Variants in CARMIL1 observed in about 807,000 individuals in gnomAD.
CARMIL1 encodes the protein F-actin-uncapping protein LRRC16A.
CARMIL1 carries 90 observed loss-of-function variants against 177.1 expected under a neutral mutation model. The ratio of observed to expected loss-of-function variants is 0.51; its 90% CI spans 0.43 to 0.61. The LOEUF is 0.61. CARMIL1 is among the 20% of genes least tolerant of loss of function. The probability of loss-of-function intolerance (pLI) is 0.00; values close to 1 mark genes in which losing one functional copy is unlikely to be tolerated. For missense variants in CARMIL1, 1,380 were observed against 1,667.0 expected (o/e 0.83, Z 3.00); for synonymous variants, 577 against 606.2 (o/e 0.95, Z 0.71).
chr6:25,544,655 C>G (rs1462832647), intron 26 of CARMIL1, among the ~76,000 whole-genome samples: 1 of 149,616 alleles, frequency 6.7e-6, no homozygotes, highest in Non-Finnish European at 1.5e-5. Context: ...ACCCCAAACA[C>G]TAAAGGATAT....
Position 25,465,950 on chromosome 6 carries a change from T to A in CARMIL1, c.690+2T>A, listed in dbSNP as rs745989914. The A allele has an allele frequency of 6.2e-7, 1 of 1,601,214 alleles. No homozygotes were observed. The highest frequency in any genetic ancestry group is 8.6e-7 in the Non-Finnish European group (1 of 1,168,538). ...CTGTCCTCTAAGGATCTAAAACTGG[T>A]AAGTAATCAAACATGCAGCAAATGT... On this transcript the variant is annotated splice_donor_variant, in intron 9 of 36. Transcript: ENST00000329474. LOFTEE classifies it high-confidence loss of function.
intron 23 of CARMIL1, chr6:25,527,669 G>T (rs1807292655): frequency 2.2e-6 from 1 of 446,702 alleles, no homozygotes; most frequent in Non-Finnish European, 4.4e-6. Context: ...CCACTTTAAT[G>T]ATGTTTCATT....
intron 2 of CARMIL1, among the ~76,000 whole-genome samples, chr6:25,335,944 C>T (rs1786171069): frequency 6.6e-6 from 1 of 152,158 alleles, no homozygotes; most frequent in Non-Finnish European, 1.5e-5. Context: ...TCTGTCTGCT[C>T]TGTTACTGTG....
In CARMIL1 at chr6:25,420,280, A is replaced by AAC. The variant is rs1226261274; in HGVS notation, c.189+127_189+128dup. ...CATATTCCTTCATATACTGCAACAC[A>AAC]ACACACACACACCTCACTTACATAG... On this transcript the variant is annotated intron_variant, in intron 3 of 36. Coordinates refer to ENST00000329474, the MANE Select transcript of CARMIL1 (RefSeq NM_017640.6). 17 of 913,472 alleles carry AAC rather than the reference A, an allele frequency of 1.9e-5. 1 individual carries two copies. The highest frequency in any genetic ancestry group is 2.4e-5 in the East Asian group (1 of 41,052). 56.6% of individuals were successfully genotyped at this position (913,472 alleles called of 1,614,324 possible). A position where few individuals can be genotyped will look rare whatever the true frequency, so the allele number is the denominator to read the frequency against.
At chr6:25,317,684 C>G (rs1481260401) in intron 2 of CARMIL1, among the ~76,000 whole-genome samples, 1 of 151,020 alleles carries the variant, frequency 6.6e-6, no homozygotes, top group Admixed American at 6.6e-5. Flanking sequence ...CCTCATTCTC[C>G]TGACTAGGAC....
intron 13 of CARMIL1, among the ~76,000 whole-genome samples, chr6:25,489,426 ACT>A (rs996455828): frequency 1.9e-4 from 29 of 152,142 alleles, no homozygotes; most frequent in African/African-American, 6.0e-4. Flanking sequence ...GGCAAAAACT[ACT>A]CTCTCAATTA....
intron 2 of CARMIL1, among the ~76,000 whole-genome samples, chr6:25,411,188 C>T (rs905857880): frequency 1.8e-4 from 28 of 152,088 alleles, no homozygotes; most frequent in African/African-American, 6.5e-4. Flanking sequence ...GCACACATGC[C>T]CTATGCAGAC....
intron 22 of CARMIL1, among the ~76,000 whole-genome samples, chr6:25,519,311 G>A (rs301370): frequency 0.43 from 65,382 of 152,040 alleles, 14,434 homozygotes; most frequent in Middle Eastern, 0.51. Context: ...CTCTTCCTGA[G>A]CACCGTGTTG....
rs753709186 is a variant in CARMIL1, at chr6:25,452,002, C to CA, written c.614+1291_614+1292insA. The CA allele has an allele frequency of 1.9e-4, 50 of 258,942 alleles. No individual in the cohort carries two copies. In the East Asian group the frequency reaches 3.7e-3, roughly 19 times the overall value. 16.0% of individuals were successfully genotyped at this position (258,942 alleles called of 1,614,324 possible). On this transcript the variant is annotated intron_variant, in intron 8 of 36. Transcript: ENST00000329474. ...TAGCATCTTGCCCCCCCCTCCCCCCCCCAGAATACTGTTTTGAATTATTTT... is the reference window on the plus strand; with the variant it reads ...TAGCATCTTGCCCCCCCCTCCCCCCCACCAGAATACTGTTTTGAATTATTTT...
At chr6:25,442,047 C>A (rs1374466412) in intron 5 of CARMIL1, among the ~76,000 whole-genome samples, 1 of 151,958 alleles carries the variant, frequency 6.6e-6, no homozygotes, top group African/African-American at 2.4e-5. Flanking sequence ...CTTTGCAAAG[C>A]AGTAGGTAGC....
intron 29 of CARMIL1, among the ~76,000 whole-genome samples, chr6:25,564,625 G>A (rs775383954): frequency 5.3e-5 from 8 of 152,132 alleles, no homozygotes; most frequent in Non-Finnish European, 8.8e-5. Context: ...GATGGATTGT[G>A]CCATGTGTCT....
intron 2 of CARMIL1, among the ~76,000 whole-genome samples, chr6:25,410,616 C>T (rs908904138): frequency 1.3e-5 from 2 of 151,846 alleles, no homozygotes; most frequent in Non-Finnish European, 2.9e-5. Flanking sequence ...GGGACTTTTG[C>T]GCCCTAGGCT....
intron 20 of CARMIL1, among the ~76,000 whole-genome samples, chr6:25,514,795 G>A (rs1163292091): frequency 1.3e-5 from 2 of 151,990 alleles, no homozygotes; most frequent in Non-Finnish European, 2.9e-5. Context: ...GTGGTGGTAC[G>A]CACCTGTAGT....
intron 13 of CARMIL1, among the ~76,000 whole-genome samples, chr6:25,489,303 A>G (rs1381722534): frequency 6.6e-6 from 1 of 152,184 alleles, no homozygotes; most frequent in Non-Finnish European, 1.5e-5. Context: ...ATAGGTTACA[A>G]TTGAAAGGGA....
At chr6:25,522,039 G>C (rs971568930) in intron 23 of CARMIL1, among the ~76,000 whole-genome samples, 6 of 152,094 alleles carry the variant, frequency 3.9e-5, no homozygotes, top group Non-Finnish European at 1.5e-5. Flanking sequence ...TTCCAAAGTT[G>C]ACTTTCCTCT....
At chr6:25,428,018 G>A (rs561779184) in intron 4 of CARMIL1, among the ~76,000 whole-genome samples, 4 of 152,276 alleles carry the variant, frequency 2.6e-5, no homozygotes, top group Admixed American at 6.5e-5. Flanking sequence ...AGTTTTAAAT[G>A]TTGATGAAGT....
At chr6:25,379,647 T>G (rs1038213442) in intron 2 of CARMIL1, among the ~76,000 whole-genome samples, 2 of 152,190 alleles carry the variant, frequency 1.3e-5, no homozygotes, top group African/African-American at 4.8e-5. Context: ...ATGAACCTTC[T>G]GGTGAAATGG....
chr6:25,388,461 G>T (rs1792405931), intron 2 of CARMIL1, among the ~76,000 whole-genome samples: 1 of 152,070 alleles, frequency 6.6e-6, no homozygotes, highest in South Asian at 2.1e-4. Flanking sequence ...CCGCCTCCCG[G>T]GTTCAAGCAA....
intron 2 of CARMIL1, among the ~76,000 whole-genome samples, chr6:25,414,896 A>G (rs2150663480): frequency 6.6e-6 from 1 of 152,238 alleles, no homozygotes; most frequent in East Asian, 1.9e-4. Flanking sequence ...GGGCTCCCTT[A>G]TGAATGTGTT....
Sources: allele counts gnomAD v4.1 joint callset (sites outside exome capture counted in the v4.1 genomes callset), GRCh38; gene constraint gnomAD v4.1.1; transcripts MANE v1.5; gene names NCBI Gene and HGNC (gene_info 2026-07-23, HGNC 2026-07-21).